Variants in ATXN2 observed in about 807,000 individuals in gnomAD.
ATXN2 encodes the protein ataxin 2.
A neutral mutation model predicts 138.6 loss-of-function variants in ATXN2; 37 were observed. The ratio of observed to expected loss-of-function variants is 0.27; its 90% CI spans 0.21 to 0.35. The LOEUF is 0.35. Ranked by LOEUF, ATXN2 falls within the 10% of genes least tolerant of loss-of-function variation. The probability of loss-of-function intolerance (pLI) is 1.00; values close to 1 mark genes in which losing one functional copy is unlikely to be tolerated. For synonymous variants in ATXN2, 549 were observed against 543.7 expected (o/e 1.01, Z -0.13); for missense variants, 1,216 against 1,480.3 (o/e 0.82, Z 2.93).
intron 5 of ATXN2, among the ~76,000 whole-genome samples, chr12:111,542,214 A>T (rs1360931382): frequency 6.6e-6 from 1 of 150,826 alleles, no homozygotes; most frequent in South Asian, 2.1e-4. Flanking sequence ...TAAATCTTCA[A>T]TTTATCCCCA....
At position 111,598,905 on chromosome 12, in the gene ATXN2, G is replaced by A. The variant is rs769578492; in HGVS notation, c.130C>T (p.Leu44Phe). 2 of 1,509,026 alleles carry A rather than the reference G, an allele frequency of 1.3e-6. No homozygotes were observed. The highest frequency in any genetic ancestry group is 1.2e-5 in the South Asian group (1 of 81,488). The allele number at this position is 1,509,026 out of a possible 1,614,324, so 93.5% of individuals were successfully genotyped here. The change falls in exon 1 of 25, where the codon CTT (leucine) becomes TTT (phenylalanine). Residue 44 changes from leucine (L) to phenylalanine (F), a missense_variant. This residue lies in a region of ATXN2 where 110 missense variants were observed against 88.7 expected (regional missense o/e 1.24). Transcript: ENST00000673436. The surrounding 1 kb of genome is among the most constrained non-coding windows in gnomAD (Gnocchi z 4.5). ...GGCGCGGCGGCGGGCGACGCTAGAA[G>A]GCCGCTGCCGCCGGGCTTGCGGACA... is the stretch of plus-strand genomic sequence containing the variant. ...ANVRKPGGSG[L>F]LASPAAAPSP...
intron 1 of ATXN2, chr12:111,581,362 G>A (rs1266386330): frequency 2.0e-5 from 12 of 604,846 alleles, no homozygotes; most frequent in Non-Finnish European, 3.7e-5. Context: ...GACCACAGCT[G>A]GTCTTCCCTG....
At chr12:111,457,544 A>G (rs2135651086) in intron 21 of ATXN2, 185 bp from the exon 22 acceptor site, 3 of 597,262 alleles carry the variant, frequency 5.0e-6, no homozygotes, top group East Asian at 3.0e-5. Context: ...CTATTGCTTA[A>G]CAGACTAGCA....
At position 111,577,128 on chromosome 12, in the gene ATXN2, TA is replaced by T. The variant is rs1435016541; in HGVS notation, c.252-21210del. Among the ~76,000 whole-genome samples the T allele has an allele frequency of 8.6e-5, 13 of 151,622 alleles. 2 individuals carry two copies. Among genetic ancestry groups the T allele is most frequent in the African/African-American group, 3.1e-4 (13 of 41,404 alleles). On this transcript the variant is annotated intron_variant, in intron 1 of 24. Coordinates refer to ENST00000673436, the MANE Select transcript of ATXN2 (RefSeq NM_001372574.1). ...GGCCACGACAAGTTAATTGATAACT[TA>T]CTAAGCATACAAAGTTGTACAAAAC...
At chr12:111,520,482 C>T (rs954932035) in intron 7 of ATXN2, among the ~76,000 whole-genome samples, 9 of 152,076 alleles carry the variant, frequency 5.9e-5, no homozygotes, top group African/African-American at 2.2e-4. Flanking sequence ...GAAACCCCGT[C>T]TCTACTAAAA....
chr12:111,544,950 G>C (rs985238684), intron 5 of ATXN2, among the ~76,000 whole-genome samples: 2 of 152,054 alleles, frequency 1.3e-5, no homozygotes, highest in African/African-American at 4.8e-5. Flanking sequence ...ACAAGGTCAG[G>C]AGATCGAGAC....
At chr12:111,545,999 A>T (rs1881781917) in intron 5 of ATXN2, among the ~76,000 whole-genome samples, 1 of 151,460 alleles carries the variant, frequency 6.6e-6, no homozygotes, top group African/African-American at 2.4e-5. Flanking sequence ...GAGGAAGAAG[A>T]TAAATTTGTA....
At chr12:111,583,505 C>T (rs1216932956) in intron 1 of ATXN2, among the ~76,000 whole-genome samples, 1 of 151,918 alleles carries the variant, frequency 6.6e-6, no homozygotes, top group Non-Finnish European at 1.5e-5. Context: ...GTAGATCATG[C>T]CTGTAATCCC....
Position 111,516,346 on chromosome 12 carries a change from G to A in ATXN2, c.1183C>T (p.Pro395Ser). 1 of 1,582,508 alleles carries A rather than the reference G, an allele frequency of 6.3e-7. No individual in the cohort carries two copies. The highest frequency in any genetic ancestry group is 8.6e-7 in the Non-Finnish European group (1 of 1,166,320). Residue 395 changes from proline to serine, a missense_variant, in exon 10 of 25, where the codon CCT becomes TCT. Pro to Ser is a moderately conservative substitution (Grantham distance 74). This residue lies in a region of ATXN2 where 401 missense variants were observed against 528.1 expected (regional missense o/e 0.76). Transcript: ENST00000673436. The surrounding 1 kb of genome is among the most constrained non-coding windows in gnomAD (Gnocchi z 5.0). ...VVNGGVPWPS[P>S]CPSPSSRPPS... ...GGGCGAGAGGAAGGAGATGGGCAAG[G>A]CGATGGCCAGGGAACACCTGACAGA... is the stretch of plus-strand genomic sequence containing the variant.
intron 1 of ATXN2, among the ~76,000 whole-genome samples, chr12:111,564,247 G>C (rs568630537): frequency 6.6e-6 from 1 of 152,070 alleles, no homozygotes; most frequent in South Asian, 2.1e-4. Context: ...AAAATTAGCA[G>C]AGGAATCATG....
At chr12:111,464,941 TTAAAAG>T (rs1360653769) in intron 20 of ATXN2, among the ~76,000 whole-genome samples, 1 of 152,206 alleles carries the variant, frequency 6.6e-6, no homozygotes, top group South Asian at 2.1e-4. Context: ...GCTGACTTGC[TTAAAAG>T]TAAAAGGAAT....
At chr12:111,569,183 T>G (rs1883181583) in intron 1 of ATXN2, among the ~76,000 whole-genome samples, 1 of 152,172 alleles carries the variant, frequency 6.6e-6, no homozygotes, top group Non-Finnish European at 1.5e-5. Flanking sequence ...CTCCATCACT[T>G]CTCAGCTCTG....
rs1258736175 is a variant in ATXN2, at chr12:111,579,557, C to T, written c.251+19227G>A. Among the ~76,000 whole-genome samples, 19 of 151,902 alleles carry T rather than the reference C, an allele frequency of 1.3e-4. 1 individual carries two copies. In the East Asian group the frequency reaches 1.7e-3, roughly 14 times the overall value. On this transcript the variant is annotated intron_variant, in intron 1 of 24. Coordinates refer to ENST00000673436, the MANE Select transcript of ATXN2 (RefSeq NM_001372574.1). ...GATTACAGGCGTGAGACATCGCACC[C>T]GGCCTCCAGCTTTATTTTTAATAGC...
intron 1 of ATXN2, among the ~76,000 whole-genome samples, chr12:111,556,540 G>A (rs189778289): frequency 2.0e-5 from 3 of 152,124 alleles, no homozygotes; most frequent in African/African-American, 4.8e-5. Context: ...CATATGGGCC[G>A]GGCGCAGTGG....
At position 111,452,414 on chromosome 12, in the gene ATXN2, G is replaced by T. The variant is rs1157484730; in HGVS notation, c.*398C>A. Reference sequence around the variant, plus strand: ...AAACTTTGTCAAGTTTAGTAAAAGGGCGTTCCAAGTCTTGATTTTTTTTTT... The same window carrying T: ...AAACTTTGTCAAGTTTAGTAAAAGGTCGTTCCAAGTCTTGATTTTTTTTTT... On this transcript the variant is annotated 3_prime_UTR_variant, in exon 25 of 25. Coordinates refer to ENST00000673436, the MANE Select transcript of ATXN2 (RefSeq NM_001372574.1). The T allele has an allele frequency of 6.3e-6, 1 of 157,568 alleles. No individual in the cohort carries two copies. Among genetic ancestry groups the T allele is most frequent in the African/African-American group, 2.5e-5 (1 of 40,658 alleles). The allele number at this position is 157,568 out of a possible 1,614,324, so 9.8% of individuals were successfully genotyped here. A position where few individuals can be genotyped will look rare whatever the true frequency, so the allele number is the denominator to read the frequency against.
chr12:111,525,309 A>G lies in ATXN2; in HGVS notation c.579T>C (p.Phe193=), dbSNP rs1185397789. Reference sequence around the variant, plus strand: ...CTTTAGCACTGATAGCAGAGTCAGTAAAAGCATCTGCAAAGAATGGTTTTG... The same window carrying G: ...CTTTAGCACTGATAGCAGAGTCAGTGAAAGCATCTGCAAAGAATGGTTTTG... ...MDSSYAKRDA[F]TDSAISAKVN... is the part of the protein sequence containing the mutation. The change falls in exon 6 of 25, where the codon TTT becomes TTC. Residue 193 remains phenylalanine, a synonymous_variant. Coordinates refer to ENST00000673436, the MANE Select transcript of ATXN2 (RefSeq NM_001372574.1). The G allele has an allele frequency of 6.3e-7, 1 of 1,587,006 alleles. No individual in the cohort carries two copies.
At chr12:111,537,791 C>T (rs553386469) in intron 5 of ATXN2, among the ~76,000 whole-genome samples, 2 of 151,788 alleles carry the variant, frequency 1.3e-5, no homozygotes, top group African/African-American at 4.8e-5. Context: ...TTGCACAATG[C>T]TGTGAATATA....
intron 1 of ATXN2, among the ~76,000 whole-genome samples, chr12:111,590,849 T>C (rs1884620615): frequency 1.3e-5 from 2 of 152,058 alleles, no homozygotes; most frequent in Admixed American, 6.6e-5. Context: ...GGTTGTATGC[T>C]CTTTATGAGA....
chr12:111,581,440 G>A (rs916514463), intron 1 of ATXN2: 1 of 795,218 alleles, frequency 1.3e-6, no homozygotes, highest in Non-Finnish European at 2.2e-6. Flanking sequence ...CTAACTATGA[G>A]ATGCTCAAGG....
Sources: allele counts gnomAD v4.1 joint callset (sites outside exome capture counted in the v4.1 genomes callset), GRCh38; gene constraint gnomAD v4.1.1; regional missense constraint gnomAD v4.1.1; non-coding constraint Gnocchi (gnomAD v3.1); transcripts MANE v1.5; gene names NCBI Gene and HGNC (gene_info 2026-07-23, HGNC 2026-07-21).